Variants in SELENOF observed in about 807,000 individuals in gnomAD.
The protein encoded by SELENOF is selenoprotein F, also known as 15 kDa selenoprotein.
SELENOF carries 16 observed loss-of-function variants against 20.5 expected under a neutral mutation model. The ratio of observed to expected loss-of-function variants is 0.78; its 90% CI spans 0.53 to 1.19. SELENOF has a LOEUF of 1.19. SELENOF is among the 50% of genes most tolerant of loss of function. SELENOF has a pLI of 0.00. For synonymous variants in SELENOF, 78 were observed against 74.5 expected, an observed-to-expected ratio of 1.05 and a Z score of -0.24; for missense variants, 215 against 194.2, an observed-to-expected ratio of 1.11 and a Z score of -0.64.
chr1:86,899,611 C>G (rs1659628176), intron 2 of SELENOF, among the ~76,000 whole-genome samples: 1 of 151,218 alleles, frequency 6.6e-6, no homozygotes, highest in Non-Finnish European at 1.5e-5. Flanking sequence ...AACCTCCCTC[C>G]CAGACGGGGC....
intron 2 of SELENOF, among the ~76,000 whole-genome samples, chr1:86,886,179 T>G (rs898771915): frequency 6.6e-6 from 1 of 152,150 alleles, no homozygotes; most frequent in Admixed American, 6.5e-5. Flanking sequence ...ACATTACTGA[T>G]CCCTAAAACC....
At chr1:86,901,319 G>A (rs1403876003) in intron 2 of SELENOF, among the ~76,000 whole-genome samples, 3 of 151,786 alleles carry the variant, frequency 2.0e-5, no homozygotes, top group Non-Finnish European at 4.4e-5. Context: ...ATACTTGCAT[G>A]TGGTTTGCAT....
rs191857985 is a variant in SELENOF, at chr1:86,874,464, C to T, written c.316+6198G>A. ...AGGACTTAGCAAGTCATTCATGCTG[C>T]CCCCTAGAAGAGCTAAGTTTTGCTA... is the stretch of plus-strand genomic sequence containing the variant. On this transcript the variant is annotated intron_variant, in intron 3 of 4. Coordinates refer to ENST00000331835, the MANE Select transcript of SELENOF (RefSeq NM_004261.5). 4.1e-3 allele frequency among the ~76,000 whole-genome samples: 629 copies of T among 152,206 alleles called. 4 individuals are homozygous for T. Among genetic ancestry groups the T allele is most frequent in the Non-Finnish European group, 4.2e-3 (283 of 68,010 alleles).
intron 2 of SELENOF, among the ~76,000 whole-genome samples, chr1:86,897,286 T>C (rs1413448832): frequency 6.6e-6 from 1 of 152,150 alleles, no homozygotes; most frequent in Non-Finnish European, 1.5e-5. Flanking sequence ...AAACTCCGTC[T>C]TGGTGCAGGG....
chr1:86,868,828 T>C (rs574896591), intron 3 of SELENOF, among the ~76,000 whole-genome samples: 4 of 151,910 alleles, frequency 2.6e-5, no homozygotes, highest in African/African-American at 9.7e-5. Flanking sequence ...TATGTAAAAA[T>C]GGAAACATCA....
chr1:86,869,525 G>T (rs1415316301), intron 3 of SELENOF, among the ~76,000 whole-genome samples: 1 of 151,968 alleles, frequency 6.6e-6, no homozygotes, highest in Non-Finnish European at 1.5e-5. Context: ...ATATAAAGTG[G>T]TTCAAAAAAT....
At chr1:86,873,039 C>T (rs986360296) in intron 3 of SELENOF, among the ~76,000 whole-genome samples, 1 of 136,450 alleles carries the variant, frequency 7.3e-6, no homozygotes, top group Non-Finnish European at 1.6e-5. Flanking sequence ...AGTGTGACTC[C>T]GTCTAAAATA....
intron 2 of SELENOF, among the ~76,000 whole-genome samples, chr1:86,890,496 CTTTTT>C (rs1659351920): frequency 1.3e-5 from 2 of 151,628 alleles, no homozygotes; most frequent in African/African-American, 4.8e-5. Context: ...CTCTTTTTTT[CTTTTT>C]TAATTTGGAG....
intron 1 of SELENOF, among the ~76,000 whole-genome samples, chr1:86,909,585 C>G (rs1031260776): frequency 2.6e-5 from 4 of 152,024 alleles, no homozygotes; most frequent in African/African-American, 9.7e-5. Flanking sequence ...AAAAATGGTC[C>G]CTGTATTCTC....
chr1:86,878,068 T>C (rs931485050), intron 3 of SELENOF, among the ~76,000 whole-genome samples: 2 of 152,032 alleles, frequency 1.3e-5, no homozygotes, highest in Non-Finnish European at 2.9e-5. Flanking sequence ...AAATCTACTA[T>C]GAGAAATTAT....
intron 1 of SELENOF, among the ~76,000 whole-genome samples, chr1:86,911,013 A>G (rs1428587548): frequency 6.6e-6 from 1 of 152,196 alleles, no homozygotes; most frequent in African/African-American, 2.4e-5. Flanking sequence ...GTATAGTACT[A>G]CTCTGTATAT....
intron 2 of SELENOF, among the ~76,000 whole-genome samples, chr1:86,882,484 T>C (rs1659102333): frequency 1.4e-5 from 2 of 143,958 alleles, no homozygotes; most frequent in African/African-American, 5.2e-5. Context: ...ATCACTGGGA[T>C]AGCTATTATT....
intron 2 of SELENOF, among the ~76,000 whole-genome samples, chr1:86,896,035 C>A (rs1021241714): frequency 6.6e-6 from 1 of 152,192 alleles, no homozygotes; most frequent in African/African-American, 2.4e-5. Flanking sequence ...TGAGACCAGC[C>A]TGTCCAACAT....
At chr1:86,877,525 A>C (rs959920031) in intron 3 of SELENOF, among the ~76,000 whole-genome samples, 2 of 152,212 alleles carry the variant, frequency 1.3e-5, no homozygotes, top group African/African-American at 2.4e-5. Context: ...CCAAATATAA[A>C]CCTGAAATTC....
chr1:86,876,391 C>T (rs933671534), intron 3 of SELENOF, among the ~76,000 whole-genome samples: 1 of 151,956 alleles, frequency 6.6e-6, no homozygotes, highest in African/African-American at 2.4e-5. Flanking sequence ...GTGTTTAAAG[C>T]CTTTGTATTA....
At chr1:86,913,442 A>G (rs1660041866) in intron 1 of SELENOF, among the ~76,000 whole-genome samples, 1 of 152,262 alleles carries the variant, frequency 6.6e-6, no homozygotes, top group Non-Finnish European at 1.5e-5. Context: ...AACTAACTTC[A>G]AAAATGAATT....
At position 86,866,228 on chromosome 1, in the gene SELENOF, CTCTG is replaced by C. The variant is rs1305107584; in HGVS notation, c.366+1821_366+1824del. On this transcript the variant is annotated intron_variant, in intron 4 of 4. Transcript: ENST00000331835. ...AAAAAAAAAAAAAAAAAGTGTGTGTCTCTGTGTGTGTGTGTGTGTGTGTGTGTGT... is the reference window on the plus strand; with the variant it reads ...AAAAAAAAAAAAAAAAAGTGTGTGTCTGTGTGTGTGTGTGTGTGTGTGTGT... 4.1e-3 allele frequency among the ~76,000 whole-genome samples: 214 copies of C among 52,378 alleles called. 2 individuals carry two copies. In the South Asian group the frequency reaches 0.046, roughly 11 times the overall value. The allele number at this position is 52,378 out of a possible 152,430, so 34.4% of individuals were successfully genotyped here. A position where few individuals can be genotyped will look rare whatever the true frequency, so the allele number is the denominator to read the frequency against.
chr1:86,863,548 C>A lies in SELENOF; in HGVS notation c.424G>T (p.Glu142Ter). Residue 142 changes from glutamate (E) to a stop codon, truncating the protein, a stop_gained, in exon 5 of 5, where the codon GAA (glutamate) becomes TAA (stop). Transcript: ENST00000331835. LOFTEE classifies it high-confidence loss of function. ...KLLDDNGNIA[E>*]ELSILKWNTD... The stretch of plus-strand genomic sequence containing the variant: ...TTCCATTTGAGAATGCTCAGTTCTT[C>A]AGCAATGTTCCCATTGTCGTCCAAA... 6.2e-7 allele frequency: 1 copy of A among 1,613,452 alleles called. No homozygotes were observed. Among genetic ancestry groups the A allele is most frequent in the Non-Finnish European group, 8.5e-7 (1 of 1,179,456 alleles).
At chr1:86,907,917 C>T (rs944198547) in intron 1 of SELENOF, among the ~76,000 whole-genome samples, 28 of 150,514 alleles carry the variant, frequency 1.9e-4, no homozygotes, top group Admixed American at 1.3e-3. Context: ...ACCCGGGAGG[C>T]GGAGATTGCA....
Sources: gnomAD v4.1 joint callset for allele counts (sites outside exome capture counted in the v4.1 genomes callset) on GRCh38, gnomAD v4.1.1 for gene constraint, MANE v1.5 for transcripts, NCBI Gene and HGNC (gene_info 2026-07-23, HGNC 2026-07-21) for gene names.